Variants in JUP observed in about 807,000 individuals in gnomAD.
The protein encoded by JUP is junction plakoglobin, also known as catenin (cadherin-associated protein), gamma 80kDa.
In JUP, 28 loss-of-function variants were observed where a neutral mutation model predicts 71.1. That is an observed-to-expected ratio of 0.39 (90% CI 0.29 to 0.54). The LOEUF (loss-of-function observed/expected upper bound fraction) is 0.54, where lower values mean the gene tolerates loss of function less well. Among genes scored for constraint, JUP ranks in the 20% least tolerant of loss-of-function variants. The pLI is 0.62. For synonymous variants in JUP, 401 were observed against 438.9 expected (o/e 0.91, Z 1.08); for missense variants, 869 against 1,030.1 (o/e 0.84, Z 2.14).
rs782726651 is a variant in JUP, at chr17:41,758,712, T to A, written c.1653+3A>T. Reference sequence around the variant, plus strand: ...CTGTCAGAGGCACCACCAGCTCACATACCGTGTAGGGCTGCTGTGTGCCTG... The same window carrying A: ...CTGTCAGAGGCACCACCAGCTCACAAACCGTGTAGGGCTGCTGTGTGCCTG... On this transcript the variant is annotated splice_donor_region_variant and intron_variant, in intron 9 of 13. Coordinates refer to ENST00000393931, the MANE Select transcript of JUP (RefSeq NM_002230.4). 6.3e-7 allele frequency: 1 copy of A among 1,599,256 alleles called. No homozygotes were observed.
At position 41,760,760 on chromosome 17, in the gene JUP, T is replaced by G. The variant is rs563280801; in HGVS notation, c.1498-1890A>C. ...ATTTTTTGTGGAGGCGGGGACTTAC[T>G]ATGTTGGCCAGGCTGGTCTCGAACT... On this transcript the variant is annotated intron_variant, in intron 8 of 13. Coordinates refer to ENST00000393931, the MANE Select transcript of JUP (RefSeq NM_002230.4). Among the ~76,000 whole-genome samples, 234 of 151,440 alleles carry G rather than the reference T, an allele frequency of 1.5e-3. 1 individual carries two copies. Among genetic ancestry groups the G allele is most frequent in the African/African-American group, 5.5e-3 (225 of 41,184 alleles).
At chr17:41,772,160 G>A in intron 1 of JUP, 1 of 482,276 alleles carries the variant, frequency 2.1e-6, no homozygotes, top group Non-Finnish European at 3.8e-6. Context: ...ACAGTCAAGG[G>A]CCAGCTGCCG....
intron 2 of JUP, 72 bp downstream of exon 2, chr17:41,771,575 C>T (rs1916651631): frequency 1.4e-6 from 2 of 1,427,260 alleles, no homozygotes; most frequent in African/African-American, 2.8e-5. Flanking sequence ...AATCTGCCTC[C>T]TTTCACTCTG....
chr17:41,757,828 G>C, intron 10 of JUP, 44 bp from the exon 11 acceptor site: 4 of 1,553,284 alleles, frequency 2.6e-6, no homozygotes, highest in Non-Finnish European at 2.6e-6. Context: ...GTGGAAAGGG[G>C]TGAGGCAGGC....
At chr17:41,756,712 C>G (rs9890970) in intron 12 of JUP, among the ~76,000 whole-genome samples, 1 of 152,082 alleles carries the variant, frequency 6.6e-6, no homozygotes, top group African/African-American at 2.4e-5. Flanking sequence ...TCATCCTGGC[C>G]AACATGGCGA....
chr17:41,767,392 T>C lies in JUP; in HGVS notation c.896A>G (p.Asn299Ser), dbSNP rs781830615. ...GGGAGGGCCCACCTTGCTCTCCTGGTTGCCGTAGGCCAGGAGCTGCAGGCA... is the reference window on the plus strand; with the variant it reads ...GGGAGGGCCCACCTTGCTCTCCTGGCTGCCGTAGGCCAGGAGCTGCAGGCA... ...TDCLQLLAYGNQESKLIILAN... is the reference protein window; with the variant it reads ...TDCLQLLAYGSQESKLIILAN... The change falls in exon 5 of 14, where the codon AAC becomes AGC. Residue 299 changes from asparagine to serine, a missense_variant. Physicochemically the swap from Asn to Ser is conservative, Grantham distance 46. Coordinates refer to ENST00000393931, the MANE Select transcript of JUP (RefSeq NM_002230.4). The C allele has an allele frequency of 6.2e-7, 1 of 1,614,016 alleles. No homozygotes were observed. The highest frequency in any genetic ancestry group is 8.5e-7 in the Non-Finnish European group (1 of 1,180,026).
chr17:41,783,763 A>G (rs2047299498), intron 1 of JUP, among the ~76,000 whole-genome samples: 1 of 151,946 alleles, frequency 6.6e-6, no homozygotes, highest in Non-Finnish European at 1.5e-5. Flanking sequence ...TACTAAAAAT[A>G]CAAAAATCAG....
At chr17:41,757,606 C>T (rs782451583) in intron 11 of JUP, 28 bp downstream of exon 11, 3 of 1,613,934 alleles carry the variant, frequency 1.9e-6, no homozygotes, top group Admixed American at 1.7e-5. Context: ...GGGAGTGGGA[C>T]CCAGCCTCCT....
chr17:41,772,961 G>C, intron 1 of JUP: 1 of 985,542 alleles, frequency 1.0e-6, no homozygotes, highest in Non-Finnish European at 1.2e-6. Flanking sequence ...TCCCATGAGG[G>C]CCTACTACGA....
At chr17:41,783,907 A>AG in intron 1 of JUP, among the ~76,000 whole-genome samples, 1 of 151,772 alleles carries the variant, frequency 6.6e-6, no homozygotes, top group East Asian at 1.9e-4. Flanking sequence ...AAAAAAAAAA[A>AG]AAAAAAAAAA....
intron 4 of JUP, among the ~76,000 whole-genome samples, chr17:41,768,561 CA>C (rs879956266): frequency 0.012 from 1,627 of 131,260 alleles, 15 homozygotes; most frequent in African/African-American, 0.038. Flanking sequence ...GGCCTCATCT[CA>C]AAAAAAAAAA....
chr17:41,783,880 C>G (rs1180478892), intron 1 of JUP, among the ~76,000 whole-genome samples: 1 of 113,024 alleles, frequency 8.8e-6, no homozygotes, highest in African/African-American at 3.8e-5. Context: ...GGTGACAGAG[C>G]GAGACTCCAT....
In JUP at chr17:41,767,180, C is replaced by T. The variant is rs1220394883; in HGVS notation, c.909+199G>A. 3.3e-5 allele frequency among the ~76,000 whole-genome samples: 5 copies of T among 152,116 alleles called. No homozygotes were observed. In the East Asian group the frequency reaches 9.6e-4, roughly 29 times the overall value. On this transcript the variant is annotated intron_variant, in intron 5 of 13. Transcript: ENST00000393931. Reference sequence around the variant, plus strand: ...AAGCACATCGAAATGACAATAGTGGCTATATGAGGATGAGTGATTTTTTTT... The same window carrying T: ...AAGCACATCGAAATGACAATAGTGGTTATATGAGGATGAGTGATTTTTTTT...
At chr17:41,785,319 C>G (rs1555611493) in intron 1 of JUP, among the ~76,000 whole-genome samples, 2 of 151,840 alleles carry the variant, frequency 1.3e-5, no homozygotes, top group East Asian at 3.9e-4. Context: ...CCCAGCCCTG[C>G]CCCACCCCCA....
At chr17:41,762,230 C>T (rs1184687532) in intron 8 of JUP, among the ~76,000 whole-genome samples, 2 of 114,036 alleles carry the variant, frequency 1.8e-5, no homozygotes, top group South Asian at 2.9e-4. Context: ...TTTGTTTGGG[C>T]TTTTTTTTTT....
At chr17:41,756,763 G>A (rs1913868006) in intron 12 of JUP, among the ~76,000 whole-genome samples, 1 of 151,926 alleles carries the variant, frequency 6.6e-6, no homozygotes, top group South Asian at 2.1e-4. Flanking sequence ...AGCCGGGTGT[G>A]GTAGCGTGCA....
intron 2 of JUP, among the ~76,000 whole-genome samples, chr17:41,771,153 C>T (rs1209463750): frequency 1.3e-5 from 2 of 152,210 alleles, no homozygotes; most frequent in East Asian, 3.8e-4. Context: ...CCTCAGCCTC[C>T]CAAGTAGCTG....
rs1419673231 is a variant in JUP, at chr17:41,769,283, G to A, written c.469-76C>T. The A allele has an allele frequency of 7.1e-6, 11 of 1,554,472 alleles. No homozygotes were observed. In the Admixed American group the frequency reaches 1.5e-4, roughly 21 times the overall value. On this transcript the variant is annotated intron_variant, in intron 3 of 13. Transcript: ENST00000393931. ...ATACCCTTCCACAGAGCTGAGGAGGGCCCCAGTCAGACTCATCACACACGG... is the reference window on the plus strand; with the variant it reads ...ATACCCTTCCACAGAGCTGAGGAGGACCCCAGTCAGACTCATCACACACGG...
At chr17:41,776,014 G>A (rs949856834) in intron 1 of JUP, 17 of 985,116 alleles carry the variant, frequency 1.7e-5, no homozygotes, top group Non-Finnish European at 2.0e-5. Context: ...ACCTGCCAAG[G>A]ACAGTCAGCA....
Sources: gnomAD v4.1 joint callset for allele counts (sites outside exome capture counted in the v4.1 genomes callset) on GRCh38, gnomAD v4.1.1 for gene constraint, MANE v1.5 for transcripts, NCBI Gene and HGNC (gene_info 2026-07-23, HGNC 2026-07-21) for gene names.